BIRC6: variants seen among roughly 807,000 people sequenced by gnomAD.
BIRC6 encodes the protein dual E2 ubiquitin-conjugating enzyme/E3 ubiquitin-protein ligase BIRC6.
Under a neutral mutation model 503.3 loss-of-function variants are expected in BIRC6, and 98 were observed. That is an observed-to-expected ratio of 0.19 (90% CI 0.17 to 0.23). The LOEUF is 0.23. Ranked by LOEUF, BIRC6 falls within the 10% of genes least tolerant of loss-of-function variation. The pLI is 1.00. For synonymous variants in BIRC6, 2,240 were observed against 2,078.7 expected (o/e 1.08, Z -2.11); for missense variants, 5,360 against 5,806.0 (o/e 0.92, Z 2.50).
intron 1 of BIRC6, among the ~76,000 whole-genome samples, chr2:32,359,000 A>G (rs2033634597): frequency 6.6e-6 from 1 of 152,204 alleles, no homozygotes; most frequent in African/African-American, 2.4e-5. Context: ...ATGAAAAGGT[A>G]TGAAGAGTAA....
At chr2:32,529,000 T>C (rs527655316) in intron 59 of BIRC6, 1 of 152,362 alleles carries the variant, frequency 6.6e-6, no homozygotes, top group East Asian at 1.9e-4. Context: ...TCAAGCATTT[T>C]GGATGAGGGA....
At chr2:32,450,331 T>A (rs975103648) in intron 22 of BIRC6, among the ~76,000 whole-genome samples, 7 of 151,998 alleles carry the variant, frequency 4.6e-5, no homozygotes, top group African/African-American at 1.7e-4. Flanking sequence ...GCCAAAAAAT[T>A]AGCCAAATGC....
At chr2:32,482,028 A>G (rs1038724350) in intron 38 of BIRC6, among the ~76,000 whole-genome samples, 1 of 152,218 alleles carries the variant, frequency 6.6e-6, no homozygotes, top group Non-Finnish European at 1.5e-5. Context: ...TTAAGTATAC[A>G]GAAGTATAGT....
rs1420018316 is a variant in BIRC6, at chr2:32,469,501, T to C, written c.6234T>C (p.Thr2078=). 3.1e-6 allele frequency: 5 copies of C among 1,613,916 alleles called. No homozygotes were observed. The highest frequency in any genetic ancestry group is 1.1e-5 in the South Asian group (1 of 91,078). ...GAACCCCAAAGATACGGTTACATAC[T>C]GGTCTTCTTCTTGTTCAACTGTGTG... ...ISGTPKIRLH[T]GLLLVQLCGG... The change falls in exon 30 of 74, where the codon ACT becomes ACC. Residue 2078 remains threonine (T), a synonymous_variant. Transcript: ENST00000421745.
chr2:32,521,559 C>G lies in BIRC6; in HGVS notation c.11623+2613C>G, dbSNP rs571269298. On this transcript the variant is annotated intron_variant, in intron 57 of 73. Coordinates refer to ENST00000421745, the MANE Select transcript of BIRC6 (RefSeq NM_016252.4). Reference sequence around the variant, plus strand: ...TCTCGGCTCACTGCAACCTCTGCCTCCCAGGTTCAAGCAATTCTCCTGCCT... The same window carrying G: ...TCTCGGCTCACTGCAACCTCTGCCTGCCAGGTTCAAGCAATTCTCCTGCCT... Among the ~76,000 whole-genome samples, 5 of 151,874 alleles carry G rather than the reference C, an allele frequency of 3.3e-5. No homozygotes were observed. In the South Asian group the frequency reaches 1.0e-3, roughly 32 times the overall value.
chr2:32,433,830 T>C (rs2044395246), intron 13 of BIRC6, 26 bp downstream of exon 13: 1 of 1,451,440 alleles, frequency 6.9e-7, no homozygotes, highest in East Asian at 2.4e-5. Flanking sequence ...AATTTATCTT[T>C]GAAGATTTTA....
At chr2:32,388,016 ATATC>A (rs1378333383) in intron 3 of BIRC6, among the ~76,000 whole-genome samples, 2 of 152,208 alleles carry the variant, frequency 1.3e-5, no homozygotes, top group South Asian at 2.1e-4. Flanking sequence ...GCTAATTAAC[ATATC>A]TATCAACTCA....
Position 32,499,625 on chromosome 2 carries a change from A to G in BIRC6, c.8547A>G (p.Glu2849=). The G allele has an allele frequency of 1.2e-6, 2 of 1,613,820 alleles. No homozygotes were observed. Among genetic ancestry groups the G allele is most frequent in the Non-Finnish European group, 1.7e-6 (2 of 1,179,838 alleles). ...AATTCACTCTGGAGCAGAATTTTGAAGTCGTTTCAGTTAGTACTATTTCTG... is the reference window on the plus strand; with the variant it reads ...AATTCACTCTGGAGCAGAATTTTGAGGTCGTTTCAGTTAGTACTATTTCTG... ...LLEFTLEQNF[E]VVSVSTISAV... The change falls in exon 46 of 74, where the codon GAA becomes GAG. Residue 2849 remains glutamate (E), a synonymous_variant. Transcript: ENST00000421745.
intron 71 of BIRC6, 107 bp from the exon 72 acceptor site, chr2:32,607,348 T>C (rs2062544161): frequency 1.4e-6 from 1 of 734,782 alleles, no homozygotes; most frequent in Non-Finnish European, 2.1e-6. Flanking sequence ...GTGATAGAAA[T>C]TTGTGGAAAC....
At position 32,564,415 on chromosome 2, in the gene BIRC6, T is replaced by G. The variant is rs2059395243; in HGVS notation, c.13145-10741T>G. ...TTGCATTTTGGCAGTTGCAAAAATGTTGCAGTGAGCATTAGCATACAAATA... is the reference window on the plus strand; with the variant it reads ...TTGCATTTTGGCAGTTGCAAAAATGGTGCAGTGAGCATTAGCATACAAATA... On this transcript the variant is annotated intron_variant, in intron 65 of 73. Transcript: ENST00000421745. The G allele has an allele frequency of 2.6e-5, 4 of 152,228 alleles. No individual in the cohort carries two copies. The South Asian group carries it at 8.3e-4, about 31-fold the overall frequency. The allele number at this position is 152,228 out of a possible 1,614,324, so 9.4% of individuals were successfully genotyped here. A position where few individuals can be genotyped will look rare whatever the true frequency, so the allele number is the denominator to read the frequency against.
Position 32,430,826 on chromosome 2 carries a change from T to C in BIRC6, c.3023-39T>C, listed in dbSNP as rs557742189. 7,219 of 938,556 alleles carry C rather than the reference T, an allele frequency of 7.7e-3. 111 individuals carry two copies. The highest frequency in any genetic ancestry group is 0.06 in the African/African-American group (3,573 of 59,214). The allele number at this position is 938,556 out of a possible 1,614,324, so 58.1% of individuals were successfully genotyped here. On this transcript the variant is annotated intron_variant, in intron 11 of 73. Transcript: ENST00000421745. ...TCTTCTTTTTTTTTTTTTTTTTTTT[T>C]CCACACCTATTTCAAATACTGCTCT...
intron 22 of BIRC6, among the ~76,000 whole-genome samples, chr2:32,451,742 C>T (rs1439769474): frequency 2.0e-5 from 3 of 152,162 alleles, no homozygotes; most frequent in East Asian, 3.8e-4. Flanking sequence ...AGACAAACTA[C>T]GCCCATTTGC....
intron 1 of BIRC6, among the ~76,000 whole-genome samples, chr2:32,362,451 G>A (rs1016787638): frequency 2.6e-5 from 4 of 151,710 alleles, no homozygotes; most frequent in Non-Finnish European, 5.9e-5. Context: ...AACTAGCTGG[G>A]ACTACAGGTG....
intron 26 of BIRC6, 40 bp downstream of exon 26, chr2:32,465,204 T>TTTTTTTTTTTTG: frequency 9.9e-7 from 1 of 1,010,800 alleles, no homozygotes; most frequent in African/African-American, 1.7e-5. Flanking sequence ...TTTTTTTTTT[T>TTTTTTTTTTTTG]GCTTAGTCTG....
intron 59 of BIRC6, 73 bp downstream of exon 59, chr2:32,525,701 C>T: frequency 7.0e-7 from 1 of 1,435,766 alleles, no homozygotes; most frequent in Non-Finnish European, 9.4e-7. Context: ...GAGGCACAGT[C>T]ACCAAAATCA....
chr2:32,401,033 A>T (rs558465679), intron 6 of BIRC6, 130 bp from the exon 7 acceptor site: 3 of 723,910 alleles, frequency 4.1e-6, no homozygotes, highest in African/African-American at 3.6e-5. Context: ...TGATTTGGTT[A>T]TATTAAGTCT....
intron 51 of BIRC6, among the ~76,000 whole-genome samples, chr2:32,509,327 T>A (rs1168000914): frequency 6.6e-6 from 1 of 152,158 alleles, no homozygotes; most frequent in Non-Finnish European, 1.5e-5. Flanking sequence ...CAGTCTAGAC[T>A]CACTGCAACT....
chr2:32,464,799 C>T lies in BIRC6; in HGVS notation c.5232C>T (p.Asn1744=), dbSNP rs2048348857. ...CAGCAGTCAATCTTGCTGCACATAA[C>T]AAAAATTCCAACAAGTCCAGAATGG... The part of the protein sequence containing the change: ...DPPAVNLAAH[N]KNSNKSRMNP... The change falls in exon 25 of 74, where the codon AAC becomes AAT. Residue 1744 remains asparagine (N), a synonymous_variant. Coordinates refer to ENST00000421745, the MANE Select transcript of BIRC6 (RefSeq NM_016252.4). 3.7e-6 allele frequency: 6 copies of T among 1,610,550 alleles called. No homozygotes were observed. Among genetic ancestry groups the T allele is most frequent in the Admixed American group, 3.3e-5 (2 of 59,712 alleles).
rs543280802 is a variant in BIRC6 at position 32,468,979 on chromosome 2, G to GT, written c.6127+204dup. ...ACATTTCTTAAATGAAGTTGTGTGTGTTTTTTTTGGGTTTCTGGTATTGAC... is the reference window on the plus strand; with the variant it reads ...ACATTTCTTAAATGAAGTTGTGTGTGTTTTTTTTTGGGTTTCTGGTATTGAC... On this transcript the variant is annotated intron_variant, in intron 29 of 73. Transcript: ENST00000421745. Among the ~76,000 whole-genome samples, 1,140 of 151,960 alleles carry GT rather than the reference G, an allele frequency of 7.5e-3. 8 individuals are homozygous for GT. The highest frequency in any genetic ancestry group is 0.014 in the Middle Eastern group (4 of 294).
Sources: gnomAD v4.1 joint callset for allele counts (sites outside exome capture counted in the v4.1 genomes callset) on GRCh38, gnomAD v4.1.1 for gene constraint, MANE v1.5 for transcripts, NCBI Gene and HGNC (gene_info 2026-07-23, HGNC 2026-07-21) for gene names.